Variants in SCARB2 observed in about 807,000 individuals in gnomAD.
The protein encoded by SCARB2 is scavenger receptor class B member 2.
A neutral mutation model predicts 58.6 loss-of-function variants in SCARB2; 29 were observed. The observed-to-expected ratio is 0.49, with a 90% confidence interval of 0.37 to 0.67. SCARB2 has a LOEUF of 0.67. Ranked by LOEUF, SCARB2 falls within the 30% of genes least tolerant of loss-of-function variation. The probability of loss-of-function intolerance (pLI) is 0.00; values close to 1 mark genes in which losing one functional copy is unlikely to be tolerated. For missense variants in SCARB2, 488 were observed against 578.5 expected (o/e 0.84, Z 1.60); for synonymous variants, 195 against 210.1 (o/e 0.93, Z 0.62).
At chr4:76,175,555 A>G in intron 6 of SCARB2, 1 of 537,994 alleles carries the variant, frequency 1.9e-6, no homozygotes, top group South Asian at 2.1e-5. Flanking sequence ...GTGGTTAAGT[A>G]ATTTGCCCAA....
intron 9 of SCARB2, among the ~76,000 whole-genome samples, chr4:76,167,285 GT>G (rs1732028193): frequency 6.6e-6 from 1 of 152,184 alleles, no homozygotes; most frequent in Non-Finnish European, 1.5e-5. Flanking sequence ...TTGGATACTT[GT>G]TCCCCCAAAT....
rs1732203010 is a variant in SCARB2, at chr4:76,174,422, AG to A, written c.825-110del. The A allele has an allele frequency of 5.4e-6, 5 of 918,186 alleles. No homozygotes were observed. The South Asian group carries it at 6.7e-5, about 12-fold the overall frequency. 56.9% of individuals were successfully genotyped at this position (918,186 alleles called of 1,614,324 possible). On this transcript the variant is annotated intron_variant, in intron 6 of 11. Coordinates refer to ENST00000264896, the MANE Select transcript of SCARB2 (RefSeq NM_005506.4). The stretch of plus-strand genomic sequence containing the variant: ...AGGTACAACATGGCCAAAAGCTCAC[AG>A]GGTAAGTAGAAAGGAATGTTTGGAA...
At chr4:76,171,424 G>A (rs1049801438) in intron 7 of SCARB2, among the ~76,000 whole-genome samples, 7 of 152,096 alleles carry the variant, frequency 4.6e-5, no homozygotes, top group Non-Finnish European at 5.9e-5. Context: ...AAATAGAATA[G>A]GACTCAAACC....
intron 6 of SCARB2, chr4:76,175,482 C>T: frequency 2.6e-6 from 1 of 379,232 alleles, no homozygotes; most frequent in Non-Finnish European, 5.0e-6. Flanking sequence ...GTCCTCATAA[C>T]AACCTCTAAC....
At chr4:76,195,617 T>A in intron 2 of SCARB2, 90 bp downstream of exon 2, 1 of 1,116,614 alleles carries the variant, frequency 9.0e-7, no homozygotes, top group Non-Finnish European at 1.4e-6. Context: ...CACACAGCCC[T>A]GGAGCCTTGC....
intron 1 of SCARB2, among the ~76,000 whole-genome samples, chr4:76,227,464 G>C (rs1044736494): frequency 2.2e-4 from 34 of 152,220 alleles, no homozygotes; most frequent in African/African-American, 7.7e-4. Flanking sequence ...CTATCATATG[G>C]TCTATCTTGG....
At position 76,160,112 on chromosome 4, in the gene SCARB2, G is replaced by C. The variant is rs983650116; in HGVS notation, c.*1601C>G. On this transcript the variant is annotated 3_prime_UTR_variant, in exon 12 of 12. Coordinates refer to ENST00000264896, the MANE Select transcript of SCARB2 (RefSeq NM_005506.4). ...AGTTTAATGAATTGCCTCTTCAAGA[G>C]GGGAAATATATCACATATTGTTTTA... 8 of 151,998 alleles carry C rather than the reference G, an allele frequency of 5.3e-5. No individual in the cohort carries two copies. Among genetic ancestry groups the C allele is most frequent in the African/African-American group, 9.7e-5 (4 of 41,366 alleles). The allele number at this position is 151,998 out of a possible 1,614,324, so 9.4% of individuals were successfully genotyped here.
rs3217498 is a variant in SCARB2, at chr4:76,169,341, C to CACACACACACACAT, written c.1113+525_1113+526insATGTGTGTGTGTGT. Among the ~76,000 whole-genome samples the CACACACACACACAT allele has an allele frequency of 4.0e-5, 6 of 151,126 alleles. No homozygotes were observed. The East Asian group carries it at 5.8e-4, about 15-fold the overall frequency. ...ATACACACACACACACACACACACA[C>CACACACACACACAT]GTGTGTATGTCTCCTCTATGTATAT... On this transcript the variant is annotated intron_variant, in intron 8 of 11. Transcript: ENST00000264896.
intron 1 of SCARB2, among the ~76,000 whole-genome samples, chr4:76,200,955 C>T (rs1732817189): frequency 6.6e-6 from 1 of 152,198 alleles, no homozygotes; most frequent in Admixed American, 6.5e-5. Context: ...CCATCTCAGG[C>T]TTCAGAGAAG....
Position 76,175,903 on chromosome 4 carries a change from C to T in SCARB2, c.712G>A (p.Asp238Asn). 1 of 1,613,712 alleles carries T rather than the reference C, an allele frequency of 6.2e-7. No homozygotes were observed. The highest frequency in any genetic ancestry group is 8.5e-7 in the Non-Finnish European group (1 of 1,179,958). Residue 238 changes from aspartate (D) to asparagine (N), a missense_variant, in exon 6 of 12, where the codon GAC becomes AAC. Coordinates refer to ENST00000264896, the MANE Select transcript of SCARB2 (RefSeq NM_005506.4). ...TTGCACTTGTCTGTTATCCACCAGT[C>T]AAGTGACCTATAATTGATAAGCACA... ...IVEWNGKTSL[D>N]WWITDKCNMI...
chr4:76,172,004 C>CTA lies in SCARB2; in HGVS notation c.995-2021_995-2020dup, dbSNP rs577052580. On this transcript the variant is annotated intron_variant, in intron 7 of 11. Coordinates refer to ENST00000264896, the MANE Select transcript of SCARB2 (RefSeq NM_005506.4). ...CACTTGCGCACGTGTGTGTGTATAC[C>CTA]TATATATATATACTATATACATATA... 4.9e-3 allele frequency among the ~76,000 whole-genome samples: 734 copies of CTA among 148,832 alleles called. 5 individuals are homozygous for CTA. The highest frequency in any genetic ancestry group is 0.011 in the Middle Eastern group (3 of 280).
At chr4:76,174,038 TGGGACTGTAGGTGTG>T (rs1732191800) in intron 7 of SCARB2, 91 bp downstream of exon 7, 1 of 1,390,738 alleles carries the variant, frequency 7.2e-7, no homozygotes, top group South Asian at 1.2e-5. Flanking sequence ...CCTTAGTAGC[TGGGACTGTAGGTGTG>T]CGCCACTACG....
At chr4:76,174,100 T>C (rs1343985049) in intron 7 of SCARB2, 44 bp downstream of exon 7, 2 of 1,609,914 alleles carry the variant, frequency 1.2e-6, no homozygotes, top group African/African-American at 2.7e-5. Context: ...CCAATCCTTC[T>C]GCATTCTTGA....
At chr4:76,229,957 G>A (rs77514904) in intron 1 of SCARB2, among the ~76,000 whole-genome samples, 8,929 of 152,224 alleles carry the variant, frequency 0.059, 282 homozygotes, top group Middle Eastern at 0.088. Flanking sequence ...GTCCTGAGGT[G>A]GATGATCTCC....
At chr4:76,230,732 T>C (rs1733478331) in intron 1 of SCARB2, among the ~76,000 whole-genome samples, 1 of 152,080 alleles carries the variant, frequency 6.6e-6, no homozygotes, top group Admixed American at 6.6e-5. Context: ...ACCATAGGTG[T>C]TAAAATGACT....
intron 1 of SCARB2, among the ~76,000 whole-genome samples, chr4:76,230,923 C>T (rs1358509383): frequency 1.3e-5 from 2 of 152,164 alleles, no homozygotes; most frequent in African/African-American, 4.8e-5. Flanking sequence ...AGGAATCAGC[C>T]ACGATCACCT....
intron 4 of SCARB2, chr4:76,178,966 T>C (rs986651294): frequency 1.5e-4 from 24 of 165,104 alleles, no homozygotes; most frequent in African/African-American, 5.0e-4. Flanking sequence ...ACCCCTAATC[T>C]AATCCTCTTC....
rs1421472109 is a variant in SCARB2, at chr4:76,220,169, CA to C, written c.-358+14133del. 2.6e-5 allele frequency among the ~76,000 whole-genome samples: 4 copies of C among 152,144 alleles called. No individual in the cohort carries two copies. In the East Asian group the frequency reaches 7.7e-4, roughly 29 times the overall value. On this transcript the variant is annotated intron_variant, in intron 1 of 11. Transcript: ENST00000638295. The stretch of plus-strand genomic sequence containing the variant: ...ACTCTCTTCCTAGGTATATAACCCC[CA>C]AAATTGAAGACAGGTACTCAAACAA...
At chr4:76,217,575 C>G (rs1360523650), upstream of SCARB2, 1 of 519,514 alleles carries the variant, frequency 1.9e-6, no homozygotes, top group East Asian at 3.1e-5. Context: ...TTCTGCCTTC[C>G]CAGGAGTGGA....
Sources: allele counts gnomAD v4.1 joint callset (sites outside exome capture counted in the v4.1 genomes callset), GRCh38; gene constraint gnomAD v4.1.1; transcripts MANE v1.5; gene names NCBI Gene and HGNC (gene_info 2026-07-23, HGNC 2026-07-21).